Variants in PRDM15 observed in about 807,000 individuals in gnomAD.
PRDM15 encodes PR/SET domain 15.
PRDM15 carries 64 observed loss-of-function variants against 128.6 expected under a neutral mutation model. The ratio of observed to expected loss-of-function variants is 0.50; its 90% CI spans 0.41 to 0.61. The LOEUF (loss-of-function observed/expected upper bound fraction) is 0.61. PRDM15 is among the 20% of genes least tolerant of loss of function. PRDM15 has a pLI of 0.00. For synonymous variants in PRDM15, 615 were observed against 621.8 expected, an observed-to-expected ratio of 0.99 and a Z score of 0.16; for missense variants, 1,242 against 1,569.1, an observed-to-expected ratio of 0.79 and a Z score of 3.52.
At chr21:41,816,159 G>A (rs2062044454) in intron 18 of PRDM15, among the ~76,000 whole-genome samples, 1 of 152,248 alleles carries the variant, frequency 6.6e-6, no homozygotes, top group Admixed American at 6.5e-5. Flanking sequence ...AATTCGGTGA[G>A]AGATAGATTA....
chr21:41,836,751 C>T (rs923294020), intron 8 of PRDM15, 102 bp from the exon 9 acceptor site: 2 of 983,934 alleles, frequency 2.0e-6, no homozygotes, highest in African/African-American at 1.6e-5. Context: ...CCCAGCTAAT[C>T]CCGAGCCTGT....
At chr21:41,802,984 G>A in intron 22 of PRDM15, 63 bp from the exon 23 acceptor site, 1 of 1,330,646 alleles carries the variant, frequency 7.5e-7, no homozygotes. Context: ...AGCGGCCAGG[G>A]CAGCCCCAGC....
intron 21 of PRDM15, 190 bp from the exon 22 acceptor site, chr21:41,804,804 C>T (rs2061512083): frequency 1.2e-5 from 6 of 497,244 alleles, no homozygotes; most frequent in African/African-American, 2.0e-5. Context: ...CAGGGCTTAT[C>T]CTCACCCCTT....
chr21:41,821,327 C>G lies in PRDM15; in HGVS notation c.1897-97G>C. 1 of 1,397,502 alleles carries G rather than the reference C, an allele frequency of 7.2e-7. No individual in the cohort carries two copies. The highest frequency in any genetic ancestry group is 9.9e-7 in the Non-Finnish European group (1 of 1,012,270). The allele number at this position is 1,397,502 out of a possible 1,614,324, so 86.6% of individuals were successfully genotyped here. A position where few individuals can be genotyped will look rare whatever the true frequency, so the allele number is the denominator to read the frequency against. On this transcript the variant is annotated intron_variant, in intron 15 of 23. Coordinates refer to ENST00000398548, the MANE Select transcript of PRDM15 (RefSeq NM_001040424.3). This position sits in a 1 kb window ranked among gnomAD's most constrained non-coding sequence, Gnocchi z 5.4. Reference sequence around the variant, plus strand: ...TGTCCACAAACCAGGGCACCCGACACGCCCTGAGAGCCCATGACTCATGCC... The same window carrying G: ...TGTCCACAAACCAGGGCACCCGACAGGCCCTGAGAGCCCATGACTCATGCC...
chr21:41,857,901 C>G (rs947005313), intron 3 of PRDM15, among the ~76,000 whole-genome samples: 3 of 152,234 alleles, frequency 2.0e-5, no homozygotes, highest in African/African-American at 7.2e-5. Flanking sequence ...CCACAGGGCC[C>G]TGGTGAGATT....
Position 41,821,818 on chromosome 21 carries a change from G to T in PRDM15, c.1896+85C>A. The T allele has an allele frequency of 6.5e-7, 1 of 1,532,968 alleles. No homozygotes were observed. Among genetic ancestry groups the T allele is most frequent in the Non-Finnish European group, 8.9e-7 (1 of 1,118,382 alleles). The allele number at this position is 1,532,968 out of a possible 1,614,324, so 95.0% of individuals were successfully genotyped here. On this transcript the variant is annotated intron_variant, in intron 15 of 23. Transcript: ENST00000398548. This position sits in a 1 kb window ranked among gnomAD's most constrained non-coding sequence, Gnocchi z 5.4. Reference sequence around the variant, plus strand: ...AGGGCTGCTTCCGAGATGCATGAAGGTGCCTGCTGTGTGGGGCCCACAGCC... The same window carrying T: ...AGGGCTGCTTCCGAGATGCATGAAGTTGCCTGCTGTGTGGGGCCCACAGCC...
chr21:41,839,798 G>A lies in PRDM15; in HGVS notation c.696C>T (p.Ser232=), dbSNP rs780888132. The change falls in exon 7 of 24, where the codon AGC becomes AGT. Residue 232 remains serine, a synonymous_variant. Coordinates refer to ENST00000398548, the MANE Select transcript of PRDM15 (RefSeq NM_001040424.3). ...QAKSLPPGSQ[S]EAAAPEKEQD... ...GCTCCTTCTCGGGAGCTGCTGCCTC[G>A]CTTTGGCTGCCTGGAGGAAGGCTTT... 2.3e-5 allele frequency: 37 copies of A among 1,614,130 alleles called. No individual in the cohort carries two copies. Among genetic ancestry groups the A allele is most frequent in the Middle Eastern group, 1.6e-4 (1 of 6,084 alleles).
chr21:41,851,561 T>C (rs2063430557), intron 5 of PRDM15, among the ~76,000 whole-genome samples: 1 of 152,150 alleles, frequency 6.6e-6, no homozygotes. Flanking sequence ...AGTGTGTGTG[T>C]GGCGGGGGCG....
chr21:41,861,706 C>A (rs762998008), intron 1 of PRDM15: 1 of 1,614,028 alleles, frequency 6.2e-7, no homozygotes, highest in Non-Finnish European at 8.5e-7. Context: ...GAAAAGCAGA[C>A]CGTGCAAAAC....
At chr21:41,871,616 T>C (rs1304830914) in intron 1 of PRDM15, 3 of 1,609,182 alleles carry the variant, frequency 1.9e-6, no homozygotes, top group Non-Finnish European at 1.7e-6. Flanking sequence ...GTTCCCAATC[T>C]GGGACCTGTA....
At chr21:41,830,958 CA>C (rs200389183) in intron 11 of PRDM15, among the ~76,000 whole-genome samples, 5,522 of 152,302 alleles carry the variant, frequency 0.036, 147 homozygotes, top group Middle Eastern at 0.11. Context: ...GCCCTGCCCC[CA>C]TCCATCAGAT....
chr21:41,879,199 C>T lies in PRDM15; in HGVS notation c.-10+71G>A. ...CAGGGCGCGCCGGGGCTCGCGGGGG[C>T]AGCGGGTGCGGCCCGGGGCCGGCGG... On this transcript the variant is annotated intron_variant, in intron 1 of 23. Coordinates refer to ENST00000398548, the MANE Select transcript of PRDM15 (RefSeq NM_001040424.3). The surrounding 1 kb of genome is among the most constrained non-coding windows in gnomAD (Gnocchi z 5.1). 9.1e-6 allele frequency: 7 copies of T among 772,094 alleles called. No homozygotes were observed. The highest frequency in any genetic ancestry group is 7.8e-6 in the Non-Finnish European group (5 of 641,902). 47.8% of individuals were successfully genotyped at this position (772,094 alleles called of 1,614,324 possible).
intron 12 of PRDM15, 48 bp from the exon 13 acceptor site, chr21:41,826,102 C>T (rs757703047): frequency 4.1e-5 from 60 of 1,452,584 alleles, no homozygotes; most frequent in East Asian, 2.9e-4. Flanking sequence ...ACATAGAACA[C>T]GCGAAGGTCC....
intron 7 of PRDM15, among the ~76,000 whole-genome samples, 166 bp downstream of exon 7, chr21:41,839,457 C>T (rs2062999624): frequency 6.6e-6 from 1 of 152,224 alleles, no homozygotes; most frequent in African/African-American, 2.4e-5. Context: ...TTGTACTTTA[C>T]TAGAGTTGAT....
At chr21:41,851,163 C>T (rs901380612) in intron 5 of PRDM15, among the ~76,000 whole-genome samples, 2 of 152,118 alleles carry the variant, frequency 1.3e-5, no homozygotes, top group African/African-American at 4.8e-5. Context: ...CATGCAGCAG[C>T]GTTCTCTCTG....
At chr21:41,853,612 G>T (rs1400646862) in intron 5 of PRDM15, among the ~76,000 whole-genome samples, 2 of 152,190 alleles carry the variant, frequency 1.3e-5, no homozygotes, top group East Asian at 3.8e-4. Flanking sequence ...GGATGAGAAA[G>T]ATTTAAAATT....
chr21:41,831,407 C>T (rs1004986004), intron 11 of PRDM15, among the ~76,000 whole-genome samples: 1 of 152,246 alleles, frequency 6.6e-6, no homozygotes, highest in African/African-American at 2.4e-5. Flanking sequence ...GCAGACATTG[C>T]CGACAGCGTC....
chr21:41,804,861 A>C, intron 21 of PRDM15: 6 of 344,068 alleles, frequency 1.7e-5, no homozygotes, highest in South Asian at 1.3e-4. Context: ...TCTCACGTCC[A>C]CTCCCCCAGT....
intron 6 of PRDM15, 78 bp from the exon 7 acceptor site, chr21:41,839,931 A>ATG: frequency 8.4e-7 from 1 of 1,196,728 alleles, no homozygotes; most frequent in African/African-American, 1.5e-5. Flanking sequence ...TCTGGTTCCT[A>ATG]TGTGTGTGTG....
Sources: allele counts gnomAD v4.1 joint callset (sites outside exome capture counted in the v4.1 genomes callset), GRCh38; gene constraint gnomAD v4.1.1; non-coding constraint Gnocchi (gnomAD v3.1); transcripts MANE v1.5; gene names NCBI Gene and HGNC (gene_info 2026-07-23, HGNC 2026-07-21).